Variants in AFG2A observed in about 807,000 individuals in gnomAD.
AFG2A encodes AAA ATPase AFG2A.
the AFG2A span, among the ~76,000 whole-genome samples, chr4:123,035,682 A>AT: frequency 6.6e-6 from 1 of 151,764 alleles, no homozygotes; most frequent in Non-Finnish European, 1.5e-5. Context: ...TATATATGTT[A>AT]TTTTTTTTGA....
At chr4:123,277,419 G>A in the AFG2A span, among the ~76,000 whole-genome samples, 1 of 152,142 alleles carries the variant, frequency 6.6e-6, no homozygotes, top group South Asian at 2.1e-4. Flanking sequence ...CATGTTGTCT[G>A]CAAACAGGGA....
At chr4:123,233,141 G>T in the AFG2A span, among the ~76,000 whole-genome samples, 4 of 152,162 alleles carry the variant, frequency 2.6e-5, no homozygotes, top group African/African-American at 9.6e-5. Context: ...TGACCCACGT[G>T]AAAAGATTTT....
At chr4:123,267,115 C>T in the AFG2A span, among the ~76,000 whole-genome samples, 1 of 151,978 alleles carries the variant, frequency 6.6e-6, no homozygotes, top group Non-Finnish European at 1.5e-5. Context: ...AGAAGTCATT[C>T]TATTAGAATG....
At chr4:123,069,736 G>A in the AFG2A span, among the ~76,000 whole-genome samples, 2 of 152,098 alleles carry the variant, frequency 1.3e-5, no homozygotes, top group Non-Finnish European at 2.9e-5. Context: ...GGAAATTTTA[G>A]CTATGTAAAA....
chr4:123,074,187 A>G, the AFG2A span, among the ~76,000 whole-genome samples: 1 of 138,516 alleles, frequency 7.2e-6, no homozygotes, highest in East Asian at 2.2e-4. Flanking sequence ...TCCACCTCCC[A>G]GGTTCAAGCA....
the AFG2A span, among the ~76,000 whole-genome samples, chr4:123,167,686 T>C: frequency 1.3e-5 from 2 of 152,188 alleles, no homozygotes; most frequent in Non-Finnish European, 2.9e-5. Context: ...AATAAATGTA[T>C]TGTAAAGAAA....
chr4:122,964,197 T>C, the AFG2A span, among the ~76,000 whole-genome samples: 1 of 152,136 alleles, frequency 6.6e-6, no homozygotes, highest in Non-Finnish European at 1.5e-5. Flanking sequence ...GTTTTACAAC[T>C]ATAGGTTGGT....
the AFG2A span, among the ~76,000 whole-genome samples, chr4:123,115,367 C>G: frequency 6.6e-6 from 1 of 152,074 alleles, no homozygotes; most frequent in Non-Finnish European, 1.5e-5. Flanking sequence ...GAGCCTCCAG[C>G]TGAGGTGCAG....
the AFG2A span, among the ~76,000 whole-genome samples, chr4:123,123,251 T>C: frequency 2.0e-5 from 3 of 152,194 alleles, no homozygotes; most frequent in Non-Finnish European, 4.4e-5. Flanking sequence ...TGCTTTTTTT[T>C]CTGAAATTTT....
the AFG2A span, chr4:123,090,568 T>C: frequency 6.2e-7 from 1 of 1,613,638 alleles, no homozygotes; most frequent in Non-Finnish European, 8.5e-7. Context: ...AAACCGTACT[T>C]TCAAAATCAG....
the AFG2A span, among the ~76,000 whole-genome samples, chr4:123,134,741 T>C: frequency 7.9e-5 from 12 of 151,994 alleles, no homozygotes; most frequent in South Asian, 2.5e-3. Context: ...AGACCAATAA[T>C]TAGTAAGGAG....
chr4:123,282,505 T>C, the AFG2A span, among the ~76,000 whole-genome samples: 1 of 152,216 alleles, frequency 6.6e-6, no homozygotes, highest in African/African-American at 2.4e-5. Flanking sequence ...CAGTATAACA[T>C]GAGTGATTGG....
chr4:123,025,009 C>T, the AFG2A span, among the ~76,000 whole-genome samples: 7 of 152,018 alleles, frequency 4.6e-5, no homozygotes, highest in African/African-American at 1.2e-4. Flanking sequence ...GGGGAGAGGT[C>T]GAGGACAAGG....
At chr4:123,128,242 T>A in the AFG2A span, among the ~76,000 whole-genome samples, 3 of 152,208 alleles carry the variant, frequency 2.0e-5, no homozygotes. Flanking sequence ...TTATTAACTT[T>A]TCATGCGTTT....
the AFG2A span, among the ~76,000 whole-genome samples, chr4:123,284,015 C>G: frequency 6.6e-6 from 1 of 152,120 alleles, no homozygotes; most frequent in South Asian, 2.1e-4. Context: ...ACACATACCT[C>G]ATTTTGAATT....
the AFG2A span, among the ~76,000 whole-genome samples, chr4:123,268,717 A>C: frequency 2.2e-4 from 34 of 152,220 alleles, no homozygotes; most frequent in Admixed American, 2.2e-3. Context: ...TGCAAGACCT[A>C]AAACATGTTT....
chr4:123,195,400 C>G, the AFG2A span, among the ~76,000 whole-genome samples: 1 of 151,836 alleles, frequency 6.6e-6, no homozygotes, highest in African/African-American at 2.4e-5. Context: ...TTTTTTCTAA[C>G]ATTAAATTAT....
chr4:123,031,432 C>T, the AFG2A span, among the ~76,000 whole-genome samples: 5 of 152,144 alleles, frequency 3.3e-5, no homozygotes, highest in African/African-American at 4.8e-5. Flanking sequence ...GGATTACAGG[C>T]GTGAGTCACT....
the AFG2A span, among the ~76,000 whole-genome samples, chr4:123,163,276 A>G: frequency 2.0e-5 from 3 of 152,334 alleles, no homozygotes; most frequent in African/African-American, 7.2e-5. Flanking sequence ...TCTACTAAAA[A>G]TACAAAAAAA....
Sources: gnomAD v4.1 joint callset for allele counts (sites outside exome capture counted in the v4.1 genomes callset) on GRCh38, gnomAD v4.1.1 for gene constraint, MANE v1.5 for transcripts, NCBI Gene and HGNC (gene_info 2026-07-23, HGNC 2026-07-21) for gene names.